Variants in TNXB observed in about 807,000 individuals in gnomAD.
TNXB encodes the protein tenascin XB.
Under a neutral mutation model 340.5 loss-of-function variants are expected in TNXB, and 183 were observed. The observed-to-expected ratio is 0.54, with a 90% CI of 0.48 to 0.61. The LOEUF is 0.61. Among genes scored for constraint, TNXB ranks in the 20% least tolerant of loss-of-function variants. The pLI is 0.00. For missense variants in TNXB, 4,613 were observed against 5,446.4 expected, an observed-to-expected ratio of 0.85 and a Z score of 4.82; for synonymous variants, 2,121 against 2,314.5, an observed-to-expected ratio of 0.92 and a Z score of 2.40.
chr6:32,098,550 A>G (rs184665288), intron 1 of TNXB, among the ~76,000 whole-genome samples: 41 of 151,998 alleles, frequency 2.7e-4, no homozygotes, highest in African/African-American at 9.9e-4. Flanking sequence ...GTGCGATCTC[A>G]GCTCACCACA....
chr6:32,094,883 C>T, intron 4 of TNXB, among the ~76,000 whole-genome samples, 193 bp downstream of exon 4: 1 of 152,298 alleles, frequency 6.6e-6, no homozygotes, highest in African/African-American at 2.4e-5. Context: ...CTGTGTGGGA[C>T]CAATGCTTGC....
Position 32,072,044 on chromosome 6 carries a change from A to T in TNXB, c.4936T>A (p.Phe1646Ile). The change falls in exon 13 of 44, where the codon TTT (phenylalanine) becomes ATT (isoleucine). Residue 1646 changes from phenylalanine (F) to isoleucine (I), a missense_variant. By Grantham distance (21) the Phe-to-Ile change is conservative. This residue lies in a region of TNXB where 4,327 missense variants were observed against 4,859.4 expected (regional missense o/e 0.89). Coordinates refer to ENST00000644971, the MANE Select transcript of TNXB (RefSeq NM_001365276.2). The surrounding 1 kb of genome is among the most constrained non-coding windows in gnomAD (Gnocchi z 4.4). ...CGTCGTTTCCCATCCTGGATCCCAA[A>T]GAGCAGGAACTTGTACTTGCGGGAG... ...EPSRKYKFLL[F>I]GIQDGKRRSP... 1 of 1,610,208 alleles carries T rather than the reference A, an allele frequency of 6.2e-7. No homozygotes were observed. Among genetic ancestry groups the T allele is most frequent in the Non-Finnish European group, 8.5e-7 (1 of 1,178,228 alleles).
rs1246451193 is a variant in TNXB, at chr6:32,087,320, A to G, written c.2780-1202T>C. 2.0e-6 allele frequency: 1 copy of G among 492,428 alleles called. No individual in the cohort carries two copies. The highest frequency in any genetic ancestry group is 4.0e-6 in the Non-Finnish European group (1 of 247,272). The allele number at this position is 492,428 out of a possible 1,614,324, so 30.5% of individuals were successfully genotyped here. ...CGCACCCCGTGGACCTCCACGTGGT[A>G]GGTGGTGCCGGGCCTGAGGTCGGGC... On this transcript the variant is annotated intron_variant, in intron 6 of 43. Transcript: ENST00000644971. This position sits in a 1 kb window ranked among gnomAD's most constrained non-coding sequence, Gnocchi z 9.0.
At chr6:32,078,959 A>C in intron 11 of TNXB, 74 bp downstream of exon 11, 2 of 1,482,384 alleles carry the variant, frequency 1.3e-6, no homozygotes, top group Non-Finnish European at 1.8e-6. Context: ...TGGAGCAAGG[A>C]GAGCAACTGG....
rs1222254906 is a variant in TNXB, at chr6:32,053,707, T to C, written c.8472A>G (p.Pro2824=). ...GPVSTVGVTA[P]EDEAETTQAV... ...CTTGGGTGGTCTCTGCTTCATCCTC[T>C]GGAGCTGGACAGACACGTGTGGGGA... Residue 2824 remains proline (P), a synonymous_variant, in exon 25 of 44, where the codon CCA becomes CCG. Coordinates refer to ENST00000644971, the MANE Select transcript of TNXB (RefSeq NM_001365276.2). 6.2e-7 allele frequency: 1 copy of C among 1,611,866 alleles called. No individual in the cohort carries two copies. Among genetic ancestry groups the C allele is most frequent in the Non-Finnish European group, 8.5e-7 (1 of 1,178,884 alleles).
At position 32,108,747 on chromosome 6, in the gene TNXB, T is replaced by G. The variant is rs1243000573; in HGVS notation, c.-9+434A>C. Among the ~76,000 whole-genome samples the G allele has an allele frequency of 6.6e-6, 1 of 152,086 alleles. No homozygotes were observed. Among genetic ancestry groups the G allele is most frequent in the Admixed American group, 6.5e-5 (1 of 15,276 alleles). ...GGGCTCAGCTGCTCTAGCCCGACAT[T>G]TGGGATTCCGCAAGCACTTTCCTTC... On this transcript the variant is annotated intron_variant, in intron 1 of 43. Transcript: ENST00000644971. This position sits in a 1 kb window ranked among gnomAD's most constrained non-coding sequence, Gnocchi z 4.8.
rs535547075 is a variant in TNXB, at chr6:32,068,914, G to A, written c.5810C>T (p.Ser1937Phe). The A allele has an allele frequency of 3.7e-6, 6 of 1,612,766 alleles. No homozygotes were observed. The highest frequency in any genetic ancestry group is 4.5e-5 in the East Asian group (2 of 44,898). Residue 1937 changes from serine (S) to phenylalanine (F), a missense_variant, in exon 16 of 44, where the codon TCT becomes TTT. This residue lies in a region of TNXB where 4,327 missense variants were observed against 4,859.4 expected (regional missense o/e 0.89). Coordinates refer to ENST00000644971, the MANE Select transcript of TNXB (RefSeq NM_001365276.2). This position sits in a 1 kb window ranked among gnomAD's most constrained non-coding sequence, Gnocchi z 5.3. ...IGGDRNDITL[S>F]GLESDHRYLV... ...GTATCTGTGGTCGGATTCCAGGCCA[G>A]AGAGGGTGATGTCATTCCGGTCACC...
At position 32,053,680 on chromosome 6, in the gene TNXB, T is replaced by G. The variant is rs748284659; in HGVS notation, c.8499A>C (p.Ala2833=). The change falls in exon 25 of 44, where the codon GCA becomes GCC. Residue 2833 remains alanine (A), a synonymous_variant. Transcript: ENST00000644971. The stretch of plus-strand genomic sequence containing the variant: ...GGGGCTCAGGGGTTGTGGTGGGCAC[T>G]GCTTGGGTGGTCTCTGCTTCATCCT... ...APEDEAETTQ[A]VPTTTPEPPN... 2.5e-6 allele frequency: 4 copies of G among 1,612,860 alleles called. No individual in the cohort carries two copies. The East Asian group carries it at 8.9e-5, about 36-fold the overall frequency.
At chr6:32,060,496 T>C (rs1442727256) in intron 21 of TNXB, among the ~76,000 whole-genome samples, 1 of 151,916 alleles carries the variant, frequency 6.6e-6, no homozygotes, top group Non-Finnish European at 1.5e-5. Flanking sequence ...CTATGCAGAA[T>C]AGAATAATAC....
Position 32,049,991 on chromosome 6 carries a change from C to G in TNXB, c.9439+7G>C. ...CTCCCACCCTGGGGCTCCCATCATTCACTCACCCGTCACCCCAATGGCAGA... is the reference window on the plus strand; with the variant it reads ...CTCCCACCCTGGGGCTCCCATCATTGACTCACCCGTCACCCCAATGGCAGA... On this transcript the variant is annotated splice_region_variant and intron_variant, in intron 27 of 43. Coordinates refer to ENST00000644971, the MANE Select transcript of TNXB (RefSeq NM_001365276.2). This position sits in a 1 kb window ranked among gnomAD's most constrained non-coding sequence, Gnocchi z 4.5. 1 of 1,612,956 alleles carries G rather than the reference C, an allele frequency of 6.2e-7. No individual in the cohort carries two copies. The highest frequency in any genetic ancestry group is 8.5e-7 in the Non-Finnish European group (1 of 1,179,128).
At chr6:32,101,010 G>A (rs933078226) in intron 1 of TNXB, among the ~76,000 whole-genome samples, 3 of 146,222 alleles carry the variant, frequency 2.1e-5, no homozygotes, top group African/African-American at 5.0e-5. Context: ...AACTGGAGGC[G>A]GAGGTTGCAG....
At position 32,084,812 on chromosome 6, in the gene TNXB, C is replaced by T; in HGVS notation, c.3149-103G>A. The stretch of plus-strand genomic sequence containing the variant: ...CCACCTCACTCCATCCTGGATAGAT[C>T]CCTCCCCGGAAGACTCTATCTGCCC... On this transcript the variant is annotated intron_variant, in intron 7 of 43. Transcript: ENST00000644971. The surrounding 1 kb of genome is among the most constrained non-coding windows in gnomAD (Gnocchi z 5.5). The T allele has an allele frequency of 9.0e-7, 1 of 1,116,536 alleles. No individual in the cohort carries two copies. Among genetic ancestry groups the T allele is most frequent in the South Asian group, 2.1e-5 (1 of 48,676 alleles). The allele number at this position is 1,116,536 out of a possible 1,614,324, so 69.2% of individuals were successfully genotyped here. A position where few individuals can be genotyped will look rare whatever the true frequency, so the allele number is the denominator to read the frequency against.
intron 26 of TNXB, among the ~76,000 whole-genome samples, chr6:32,050,568 C>G (rs62402696): frequency 0.022 from 3,309 of 151,498 alleles, 50 homozygotes; most frequent in Non-Finnish European, 0.028. Context: ...CCAGCACCGC[C>G]TCTCTTTTGA....
chr6:32,045,851 C>T, intron 31 of TNXB: 2 of 1,139,452 alleles, frequency 1.8e-6, no homozygotes, highest in East Asian at 4.4e-5. Flanking sequence ...AGGTTTGCCG[C>T]TATCTGGACA....
In TNXB at chr6:32,072,333, T is replaced by A. The variant is rs764364035; in HGVS notation, c.4682-35A>T. The A allele has an allele frequency of 4.5e-6, 7 of 1,553,764 alleles. No individual in the cohort carries two copies. On this transcript the variant is annotated intron_variant, in intron 12 of 43. Coordinates refer to ENST00000644971, the MANE Select transcript of TNXB (RefSeq NM_001365276.2). The surrounding 1 kb of genome is among the most constrained non-coding windows in gnomAD (Gnocchi z 4.4). ...GGGAAGACAAAGAACATGGTTGAGA[T>A]CTCTGAGGGGAGAACCCCTGGGCTT...
At position 32,084,586 on chromosome 6, in the gene TNXB, G is replaced by T. The variant is rs61978561; in HGVS notation, c.3272C>A (p.Ser1091Tyr). Residue 1091 changes from serine to tyrosine, a missense_variant, in exon 8 of 44, where the codon TCC (serine) becomes TAC (tyrosine). By Grantham distance (144) the Ser-to-Tyr change is moderately radical. Around this residue, in one of 7 missense-constraint regions of TNXB, gnomAD observed 4,327 missense variants for 4,859.4 expected, o/e 0.89. Coordinates refer to ENST00000644971, the MANE Select transcript of TNXB (RefSeq NM_001365276.2). This position sits in a 1 kb window ranked among gnomAD's most constrained non-coding sequence, Gnocchi z 5.5. Reference sequence around the variant, plus strand: ...CCTGTCTTTGTACTGGATCACGAAGGAGTCAAACTCGCCCTCGGGGACCGT... The same window carrying T: ...CCTGTCTTTGTACTGGATCACGAAGTAGTCAAACTCGCCCTCGGGGACCGT... ...RWTVPEGEFD[S>Y]FVIQYKDRDG... 713 of 1,608,444 alleles carry T rather than the reference G, an allele frequency of 4.4e-4. 7 individuals carry two copies. The African/African-American group carries it at 8.1e-3, about 18-fold the overall frequency.
intron 4 of TNXB, chr6:32,093,442 T>C (rs774945458): frequency 2.9e-6 from 2 of 700,166 alleles, no homozygotes; most frequent in South Asian, 1.5e-5. Context: ...AGGCAGAACA[T>C]AGTAGGGGGC....
rs553907333 is a variant in TNXB at position 32,095,831 on chromosome 6, G to T, written c.2022C>A (p.Gly674=). ...QGVCLCHVGY[G]GEDCGQEEPP... is the part of the protein sequence containing the mutation. Reference sequence around the variant, plus strand: ...GCTCTTCCTGCCCGCAGTCCTCACCGCCATAGCCCACGTGGCACAGGCACA... The same window carrying T: ...GCTCTTCCTGCCCGCAGTCCTCACCTCCATAGCCCACGTGGCACAGGCACA... Residue 674 remains glycine, a synonymous_variant, in exon 3 of 44, where the codon GGC becomes GGA. Coordinates refer to ENST00000644971, the MANE Select transcript of TNXB (RefSeq NM_001365276.2). 6.2e-7 allele frequency: 1 copy of T among 1,612,204 alleles called. No individual in the cohort carries two copies. The highest frequency in any genetic ancestry group is 1.3e-5 in the African/African-American group (1 of 75,002).
Position 32,087,564 on chromosome 6 carries a change from T to G in TNXB, c.2779+1221A>C, listed in dbSNP as rs896107493. 2.2e-5 allele frequency: 9 copies of G among 415,012 alleles called. No homozygotes were observed. Among genetic ancestry groups the G allele is most frequent in the African/African-American group, 6.9e-5 (3 of 43,336 alleles). The allele number at this position is 415,012 out of a possible 1,614,324, so 25.7% of individuals were successfully genotyped here. A position where few individuals can be genotyped will look rare whatever the true frequency, so the allele number is the denominator to read the frequency against. Reference sequence around the variant, plus strand: ...CGCCTTCAGGCGAGAGGCCGTAGATTCCCTGGTTGGAGTCCCGTTTCCTGG... The same window carrying G: ...CGCCTTCAGGCGAGAGGCCGTAGATGCCCTGGTTGGAGTCCCGTTTCCTGG... On this transcript the variant is annotated intron_variant, in intron 6 of 43. Coordinates refer to ENST00000644971, the MANE Select transcript of TNXB (RefSeq NM_001365276.2). The surrounding 1 kb of genome is among the most constrained non-coding windows in gnomAD (Gnocchi z 9.0).
Sources: gnomAD v4.1 joint callset for allele counts (sites outside exome capture counted in the v4.1 genomes callset) on GRCh38, gnomAD v4.1.1 for gene constraint, gnomAD v4.1.1 regional missense constraint, Gnocchi (gnomAD v3.1) non-coding constraint, MANE v1.5 for transcripts, NCBI Gene and HGNC (gene_info 2026-07-23, HGNC 2026-07-21) for gene names.